Variants in NRXN3 observed in about 807,000 individuals in gnomAD.
NRXN3 encodes neurexin III.
In NRXN3, 32 loss-of-function variants were observed where a neutral mutation model predicts 137.6. The ratio of observed to expected loss-of-function variants is 0.23; its 90% CI spans 0.18 to 0.31. The LOEUF (loss-of-function observed/expected upper bound fraction) is 0.31. Among genes scored for constraint, NRXN3 ranks in the 10% least tolerant of loss-of-function variants. The pLI is 1.00. For synonymous variants in NRXN3, 798 were observed against 784.5 expected, an observed-to-expected ratio of 1.02 and a Z score of -0.29; for missense variants, 1,574 against 2,062.5, an observed-to-expected ratio of 0.76 and a Z score of 4.59.
chr14:78,214,283 A>G (rs1302433148), intron 1 of NRXN3, among the ~76,000 whole-genome samples: 5 of 152,108 alleles, frequency 3.3e-5, no homozygotes. Flanking sequence ...GTGCTCTTCC[A>G]GAAGAGTCTC....
intron 4 of NRXN3, among the ~76,000 whole-genome samples, chr14:78,521,695 C>A (rs1325041692): frequency 6.6e-6 from 1 of 151,996 alleles, no homozygotes; most frequent in Admixed American, 6.5e-5. Context: ...ACCTTAATTT[C>A]AGTGAATGGT....
At chr14:79,492,815 T>C (rs1034299381) in intron 16 of NRXN3, among the ~76,000 whole-genome samples, 4 of 152,214 alleles carry the variant, frequency 2.6e-5, no homozygotes, top group Admixed American at 2.6e-4. Context: ...CTTCTATCAA[T>C]CATGCATTGG....
At chr14:79,759,198 G>GTGTGTAGCT (rs2099030056) in intron 19 of NRXN3, among the ~76,000 whole-genome samples, 2 of 147,942 alleles carry the variant, frequency 1.4e-5, no homozygotes, top group African/African-American at 5.3e-5. Context: ...TTTCAAGTCA[G>GTGTGTAGCT]AACTTCTTGT....
chr14:78,464,003 A>T (rs1314513794), intron 4 of NRXN3, among the ~76,000 whole-genome samples: 2 of 151,342 alleles, frequency 1.3e-5, no homozygotes, highest in African/African-American at 4.9e-5. Flanking sequence ...GCCTATTTAT[A>T]TATTTTTTAA....
chr14:79,740,708 TTTTTTATATATATATATATATATA>T (rs1278608949), intron 19 of NRXN3, among the ~76,000 whole-genome samples: 29 of 35,168 alleles, frequency 8.2e-4, no homozygotes, highest in African/African-American at 3.7e-3. Context: ...TTGCATTTAG[TTTTTTATATATATATATATATATA>T]TATATATATA....
chr14:79,445,849 GTTTCA>G (rs1402862705), intron 15 of NRXN3, among the ~76,000 whole-genome samples: 1 of 152,142 alleles, frequency 6.6e-6, no homozygotes, highest in East Asian at 1.9e-4. Context: ...GTTGTAAAGA[GTTTCA>G]TTTCATTCTA....
intron 15 of NRXN3, among the ~76,000 whole-genome samples, chr14:79,376,114 A>G (rs1398720116): frequency 6.8e-6 from 1 of 147,168 alleles, no homozygotes; most frequent in Non-Finnish European, 1.5e-5. Context: ...ACACGTGAAT[A>G]TATGTACATA....
intron 1 of NRXN3, among the ~76,000 whole-genome samples, chr14:78,198,246 G>C (rs537557482): frequency 2.0e-5 from 3 of 152,244 alleles, no homozygotes; most frequent in Admixed American, 1.3e-4. Flanking sequence ...CCGGATGAGT[G>C]AGCAGCTGCT....
At chr14:79,824,850 T>G (rs1474935396) in intron 20 of NRXN3, among the ~76,000 whole-genome samples, 1 of 152,172 alleles carries the variant, frequency 6.6e-6, no homozygotes, top group African/African-American at 2.4e-5. Flanking sequence ...ATATATAAAT[T>G]TACATATAAC....
At chr14:79,283,300 T>TA (rs1461284305) in intron 15 of NRXN3, among the ~76,000 whole-genome samples, 2 of 152,134 alleles carry the variant, frequency 1.3e-5, no homozygotes, top group East Asian at 3.9e-4. Context: ...TCTTTGGACT[T>TA]AAGAGATTGT....
chr14:79,380,173 A>C (rs35820490), intron 15 of NRXN3, among the ~76,000 whole-genome samples: 43,138 of 135,316 alleles, frequency 0.32, 7,630 homozygotes, highest in Middle Eastern at 0.52. Context: ...TTTTTGGTAG[A>C]TATATTTATT....
chr14:79,414,763 ACATTAT>A (rs1294693137), intron 15 of NRXN3, among the ~76,000 whole-genome samples: 2 of 152,108 alleles, frequency 1.3e-5, no homozygotes, highest in East Asian at 1.9e-4. Context: ...AGTATACAAT[ACATTAT>A]CATTAACTGT....
intron 16 of NRXN3, among the ~76,000 whole-genome samples, chr14:79,591,620 C>T (rs2097804075): frequency 6.6e-6 from 1 of 152,076 alleles, no homozygotes; most frequent in Non-Finnish European, 1.5e-5. Context: ...TTTAAGAAAA[C>T]TGTAATTTTC....
chr14:79,040,115 A>G (rs570850304), intron 15 of NRXN3, among the ~76,000 whole-genome samples: 1 of 152,314 alleles, frequency 6.6e-6, no homozygotes, highest in South Asian at 2.1e-4. Context: ...CTTTATAGCA[A>G]TGACCACATT....
intron 10 of NRXN3, among the ~76,000 whole-genome samples, chr14:78,850,759 C>A (rs890222118): frequency 9.9e-5 from 15 of 152,074 alleles, no homozygotes; most frequent in African/African-American, 3.6e-4. Flanking sequence ...TCTGCTTAAA[C>A]TGCAGCTTTG....
At chr14:79,444,244 T>A (rs2096017399) in intron 15 of NRXN3, among the ~76,000 whole-genome samples, 1 of 152,160 alleles carries the variant, frequency 6.6e-6, no homozygotes, top group Non-Finnish European at 1.5e-5. Context: ...TGAATTTGAC[T>A]CTTTCACTGC....
intron 17 of NRXN3, among the ~76,000 whole-genome samples, chr14:79,688,522 C>T (rs1447051941): frequency 6.6e-6 from 1 of 152,100 alleles, no homozygotes; most frequent in African/African-American, 2.4e-5. Context: ...TAATTGTATT[C>T]CTTGGAGACT....
chr14:78,381,523 T>A (rs73319516), intron 4 of NRXN3, among the ~76,000 whole-genome samples: 4,312 of 152,262 alleles, frequency 0.028, 179 homozygotes, highest in African/African-American at 0.093. Flanking sequence ...TGACAATTTT[T>A]AAAAACTAAA....
chr14:78,630,597 C>CTTTTTTTT (rs370862037), intron 4 of NRXN3, among the ~76,000 whole-genome samples: 90 of 127,732 alleles, frequency 7.0e-4, no homozygotes, highest in African/African-American at 1.0e-3. Flanking sequence ...TTCTTTCTTT[C>CTTTTTTTT]TTTTTTTTTT....
Sources: allele counts gnomAD v4.1 joint callset (sites outside exome capture counted in the v4.1 genomes callset), GRCh38; gene constraint gnomAD v4.1.1; transcripts MANE v1.5; gene names NCBI Gene and HGNC (gene_info 2026-07-23, HGNC 2026-07-21).